MBD5: variants seen among roughly 807,000 people sequenced by gnomAD.
MBD5 encodes methyl-CpG binding domain protein 5.
MBD5 carries 13 observed loss-of-function variants against 117.3 expected under a neutral mutation model. The ratio of observed to expected loss-of-function variants is 0.11; its 90% CI spans 0.07 to 0.18. The LOEUF (loss-of-function observed/expected upper bound fraction) is 0.18, where lower values mean the gene tolerates loss of function less well. MBD5 is among the 10% of genes least tolerant of loss of function. The probability of loss-of-function intolerance (pLI) is 1.00; values close to 1 mark genes in which losing one functional copy is unlikely to be tolerated. For synonymous variants in MBD5, 727 were observed against 766.4 expected (o/e 0.95, Z 0.85); for missense variants, 1,879 against 2,093.8 (o/e 0.90, Z 2.00).
In MBD5 at chr2:148,472,979, G is replaced by A. The variant is rs539179250; in HGVS notation, c.2518+2518G>A. ...TAACTGAATCAGGATTTGAACTGAG[G>A]TTCATCTGATTCTAAAATCCATTTT... On this transcript the variant is annotated intron_variant, in intron 8 of 13. Coordinates refer to ENST00000642680, the MANE Select transcript of MBD5 (RefSeq NM_001378120.1). 1.4e-4 allele frequency among the ~76,000 whole-genome samples: 22 copies of A among 152,138 alleles called. No individual in the cohort carries two copies. In the South Asian group the frequency reaches 1.5e-3, roughly 10 times the overall value.
chr2:148,131,275 T>G (rs1697040800), intron 1 of MBD5, among the ~76,000 whole-genome samples: 1 of 152,196 alleles, frequency 6.6e-6, no homozygotes, highest in South Asian at 2.1e-4. Flanking sequence ...CATCTTTATT[T>G]TATTGTTACC....
At chr2:148,241,238 C>T (rs1021272089) in intron 3 of MBD5, among the ~76,000 whole-genome samples, 2 of 151,972 alleles carry the variant, frequency 1.3e-5, no homozygotes, top group African/African-American at 4.8e-5. Context: ...TCACATTTAT[C>T]TAGTGAAGGC....
intron 4 of MBD5, among the ~76,000 whole-genome samples, chr2:148,397,172 T>A (rs1332865525): frequency 6.6e-6 from 1 of 152,136 alleles, no homozygotes; most frequent in Non-Finnish European, 1.5e-5. Context: ...AAGTGTGAGA[T>A]AGAAAAGGAC....
chr2:148,399,040 G>A (rs1397366899), intron 4 of MBD5, among the ~76,000 whole-genome samples: 3 of 152,208 alleles, frequency 2.0e-5, no homozygotes, highest in African/African-American at 4.8e-5. Flanking sequence ...GCACCATGCT[G>A]TTTTGGTTAC....
chr2:148,368,788 C>A (rs1703773464), intron 4 of MBD5, among the ~76,000 whole-genome samples: 1 of 152,054 alleles, frequency 6.6e-6, no homozygotes, highest in African/African-American at 2.4e-5. Flanking sequence ...AGAATGCCAA[C>A]TAATAGAAGG....
At chr2:148,207,960 C>CA (rs954916936) in intron 2 of MBD5, among the ~76,000 whole-genome samples, 1 of 152,016 alleles carries the variant, frequency 6.6e-6, no homozygotes, top group Admixed American at 6.6e-5. Flanking sequence ...TGTCTTAATG[C>CA]AAAAAATAAT....
At chr2:148,337,697 A>T (rs1374801922) in intron 3 of MBD5, among the ~76,000 whole-genome samples, 1 of 152,158 alleles carries the variant, frequency 6.6e-6, no homozygotes, top group Non-Finnish European at 1.5e-5. Context: ...TAGATACCAG[A>T]TAATTATAAA....
intron 4 of MBD5, among the ~76,000 whole-genome samples, chr2:148,450,489 A>T (rs529596319): frequency 6.6e-6 from 1 of 152,284 alleles, no homozygotes; most frequent in South Asian, 2.1e-4. Flanking sequence ...TCCCTGTTCC[A>T]CATAGTGCTG....
chr2:148,107,852 A>G (rs1019567024), intron 1 of MBD5, among the ~76,000 whole-genome samples: 1 of 152,118 alleles, frequency 6.6e-6, no homozygotes, highest in Non-Finnish European at 1.5e-5. Flanking sequence ...ATGATTTTTT[A>G]TATCATGAAC....
chr2:148,376,272 C>CTTTT (rs11304653), intron 4 of MBD5, among the ~76,000 whole-genome samples: 1 of 131,346 alleles, frequency 7.6e-6, no homozygotes, highest in Non-Finnish European at 1.6e-5. Flanking sequence ...CTTTTCTTTT[C>CTTTT]TTTTTTTTTT....
At chr2:148,322,685 G>C (rs1437041103) in intron 3 of MBD5, among the ~76,000 whole-genome samples, 2 of 151,962 alleles carry the variant, frequency 1.3e-5, no homozygotes, top group Non-Finnish European at 2.9e-5. Context: ...AATTGCTTTT[G>C]TTCCACACTA....
At chr2:148,258,823 GC>G (rs34824483) in intron 3 of MBD5, among the ~76,000 whole-genome samples, 1 of 152,130 alleles carries the variant, frequency 6.6e-6, no homozygotes, top group African/African-American at 2.4e-5. Context: ...TCCCATGGGG[GC>G]CCCCCTGTGG....
chr2:148,205,961 C>G (rs1163985603), intron 2 of MBD5, among the ~76,000 whole-genome samples: 1 of 151,636 alleles, frequency 6.6e-6, no homozygotes, highest in Non-Finnish European at 1.5e-5. Context: ...GGCAACATGG[C>G]GAAACCCCAG....
intron 11 of MBD5, among the ~76,000 whole-genome samples, chr2:148,498,357 T>C (rs1285732924): frequency 6.6e-6 from 1 of 152,180 alleles, no homozygotes; most frequent in African/African-American, 2.4e-5. Flanking sequence ...TCCAGGTTCT[T>C]CGTTTTTGTT....
intron 4 of MBD5, among the ~76,000 whole-genome samples, chr2:148,378,817 T>A (rs1366852390): frequency 6.6e-6 from 1 of 152,082 alleles, no homozygotes; most frequent in Non-Finnish European, 1.5e-5. Flanking sequence ...AAATATGTGA[T>A]TAGGTAATTA....
chr2:148,167,042 A>G (rs1020193005), intron 1 of MBD5, among the ~76,000 whole-genome samples: 1 of 152,146 alleles, frequency 6.6e-6, no homozygotes, highest in Non-Finnish European at 1.5e-5. Context: ...TGTTAATGTC[A>G]TAAATACTGG....
chr2:148,320,497 G>C lies in MBD5; in HGVS notation c.-679-21717G>C, dbSNP rs369532822. On this transcript the variant is annotated intron_variant, in intron 3 of 13. Coordinates refer to ENST00000642680, the MANE Select transcript of MBD5 (RefSeq NM_001378120.1). The stretch of plus-strand genomic sequence containing the variant: ...CCCTCCCAAGTAGCTGGGACTACAG[G>C]TGCATGTGCCACCATGCCCAGCTAA... Among the ~76,000 whole-genome samples the C allele has an allele frequency of 9.9e-4, 151 of 152,052 alleles. 2 individuals carry two copies. Among genetic ancestry groups the C allele is most frequent in the East Asian group, 5.4e-3 (28 of 5,148 alleles).
chr2:148,184,671 T>G (rs1332072703), intron 2 of MBD5, among the ~76,000 whole-genome samples: 1 of 152,222 alleles, frequency 6.6e-6, no homozygotes, highest in Non-Finnish European at 1.5e-5. Context: ...TTTATTTTTC[T>G]TTGAAAACAG....
intron 11 of MBD5, among the ~76,000 whole-genome samples, chr2:148,493,696 A>G (rs1681600920): frequency 6.6e-6 from 1 of 152,212 alleles, no homozygotes. Flanking sequence ...TCAGCTTATG[A>G]TCTTAGAAAG....
Sources: gnomAD v4.1 joint callset for allele counts (sites outside exome capture counted in the v4.1 genomes callset) on GRCh38, gnomAD v4.1.1 for gene constraint, MANE v1.5 for transcripts, NCBI Gene and HGNC (gene_info 2026-07-23, HGNC 2026-07-21) for gene names.